PPM1G: variants seen among roughly 807,000 people sequenced by gnomAD.
PPM1G encodes the protein protein phosphatase, Mg2+/Mn2+ dependent 1G.
PPM1G carries 12 observed loss-of-function variants against 59.4 expected under a neutral mutation model. That is an observed-to-expected ratio of 0.20 (90% CI 0.13 to 0.33). PPM1G has a LOEUF of 0.33. Among genes scored for constraint, PPM1G ranks in the 10% least tolerant of loss-of-function variants. The pLI is 1.00. For synonymous variants in PPM1G, 245 were observed against 251.9 expected (o/e 0.97, Z 0.26); for missense variants, 392 against 681.3 (o/e 0.58, Z 4.73).
intron 1 of PPM1G, among the ~76,000 whole-genome samples, chr2:27,392,294 T>TTC (rs1553313466): frequency 2.1e-5 from 3 of 140,682 alleles, no homozygotes; most frequent in Admixed American, 7.1e-5. Flanking sequence ...TTGTTTTTTT[T>TTC]TTTTTTTTTT....
At position 27,381,819 on chromosome 2, in the gene PPM1G, G is replaced by A. The variant is rs1268788651; in HGVS notation, c.1435-14C>T. ...CTGATCCAGCAGCTAAGAAAGGGAT[G>A]GGGGTAGCTCAGCCACAGGGTTTGA... On this transcript the variant is annotated splice_polypyrimidine_tract_variant and intron_variant, in intron 9 of 9. Transcript: ENST00000344034. 2 of 1,611,260 alleles carry A rather than the reference G, an allele frequency of 1.2e-6. No individual in the cohort carries two copies. Among genetic ancestry groups the A allele is most frequent in the Non-Finnish European group, 1.7e-6 (2 of 1,179,180 alleles).
Position 27,381,613 on chromosome 2 carries a change from C to T in PPM1G, c.1627G>A (p.Ala543Thr). 6.2e-7 allele frequency: 1 copy of T among 1,614,072 alleles called. No individual in the cohort carries two copies. The change falls in exon 10 of 10, where the codon GCC (alanine) becomes ACC (threonine). Residue 543 changes from alanine to threonine, a missense_variant. Around this residue, in one of 6 missense-constraint regions of PPM1G, gnomAD observed 49 missense variants for 43.4 expected, o/e 1.13. Coordinates refer to ENST00000344034, the MANE Select transcript of PPM1G (RefSeq NM_177983.3). ...CTGGATGACTGCTAGTCTCGCTTGG[C>T]CTTCTTCTTCTTGTCGCTGTTGCCA... ...ENGNSDKKKK[A>T]KRD
chr2:27,392,662 A>G lies in PPM1G; in HGVS notation c.121-5504T>C, dbSNP rs942611118. The stretch of plus-strand genomic sequence containing the variant: ...TTTATTTGAAGGAATGGTACAAATC[A>G]AAGAACTTAAGTGGGTGTCTTGGAA... On this transcript the variant is annotated intron_variant, in intron 1 of 9. Coordinates refer to ENST00000344034, the MANE Select transcript of PPM1G (RefSeq NM_177983.3). 8 of 663,196 alleles carry G rather than the reference A, an allele frequency of 1.2e-5. No individual in the cohort carries two copies. The African/African-American group carries it at 1.3e-4, about 10-fold the overall frequency. The allele number at this position is 663,196 out of a possible 1,614,324, so 41.1% of individuals were successfully genotyped here.
At position 27,409,481 on chromosome 2, in the gene PPM1G, C is replaced by T; in HGVS notation, c.-59G>A. The T allele has an allele frequency of 1.4e-6, 2 of 1,414,184 alleles. No individual in the cohort carries two copies. The highest frequency in any genetic ancestry group is 3.0e-5 in the South Asian group (2 of 65,662). 87.6% of individuals were successfully genotyped at this position (1,414,184 alleles called of 1,614,324 possible). A position where few individuals can be genotyped will look rare whatever the true frequency, so the allele number is the denominator to read the frequency against. On this transcript the variant is annotated 5_prime_UTR_variant, in exon 1 of 10. Transcript: ENST00000344034. The stretch of plus-strand genomic sequence containing the variant: ...AAGCTGGGCGCGACCCGTGCCGGAG[C>T]CGAAGCCCCGGGGGTGCGCGCGGCA...
chr2:27,403,411 A>C (rs1476014456), intron 1 of PPM1G, among the ~76,000 whole-genome samples: 1 of 151,292 alleles, frequency 6.6e-6, no homozygotes, highest in Non-Finnish European at 1.5e-5. Context: ...GCACCATTGC[A>C]CTCCAGCCTG....
At chr2:27,386,524 A>G (rs1290912498) in intron 2 of PPM1G, 2 of 292,484 alleles carry the variant, frequency 6.8e-6, no homozygotes, top group Non-Finnish European at 1.3e-5. Context: ...TTCTCCAGTG[A>G]AAAAAAGATA....
chr2:27,383,857 A>G lies in PPM1G; in HGVS notation c.966+95T>C, dbSNP rs148136511. ...CCCATGACTATTACTTCCATCCTAA[A>G]GTATCAGGGGGATCCCCTGTCTCAA... is the stretch of plus-strand genomic sequence containing the variant. On this transcript the variant is annotated intron_variant, in intron 6 of 9. Coordinates refer to ENST00000344034, the MANE Select transcript of PPM1G (RefSeq NM_177983.3). The surrounding 1 kb of genome is among the most constrained non-coding windows in gnomAD (Gnocchi z 5.0). The G allele has an allele frequency of 6.9e-4, 1,030 of 1,499,184 alleles. 3 individuals carry two copies. The African/African-American group carries it at 0.013, about 18-fold the overall frequency. The allele number at this position is 1,499,184 out of a possible 1,614,324, so 92.9% of individuals were successfully genotyped here.
At chr2:27,398,787 ACT>A (rs1684112615) in intron 1 of PPM1G, among the ~76,000 whole-genome samples, 1 of 151,142 alleles carries the variant, frequency 6.6e-6, no homozygotes, top group Non-Finnish European at 1.5e-5. Context: ...ATGCCACTGC[ACT>A]CCAGCCTGGC....
chr2:27,391,932 A>G (rs1372646347), intron 1 of PPM1G, among the ~76,000 whole-genome samples: 1 of 151,698 alleles, frequency 6.6e-6, no homozygotes, highest in Non-Finnish European at 1.5e-5. Context: ...GGGTTTCACC[A>G]TGTTGGCCAG....
intron 1 of PPM1G, among the ~76,000 whole-genome samples, chr2:27,403,868 C>T (rs1217001840): frequency 6.7e-6 from 1 of 150,304 alleles, no homozygotes; most frequent in Non-Finnish European, 1.5e-5. Context: ...GACAGAGACT[C>T]TGTCTAAAAA....
chr2:27,385,803 G>A lies in PPM1G; in HGVS notation c.353C>T (p.Ala118Val). The A allele has an allele frequency of 6.2e-7, 1 of 1,614,058 alleles. No homozygotes were observed. Among genetic ancestry groups the A allele is most frequent in the Non-Finnish European group, 8.5e-7 (1 of 1,180,014 alleles). Residue 118 changes from alanine (A) to valine (V), a missense_variant, in exon 4 of 10, where the codon GCA becomes GTA. Around this residue, in one of 6 missense-constraint regions of PPM1G, gnomAD observed 188 missense variants for 248.8 expected, o/e 0.76. Transcript: ENST00000344034. The surrounding 1 kb of genome is among the most constrained non-coding windows in gnomAD (Gnocchi z 4.1). ...ATCTTCATCCTCAGTGGGTCGCCCTGCAATCTGTGCCAGCTCTTTAATGAC... is the reference window on the plus strand; with the variant it reads ...ATCTTCATCCTCAGTGGGTCGCCCTACAATCTGTGCCAGCTCTTTAATGAC... ...EEVIKELAQI[A>V]GRPTEDEDEK...
At chr2:27,393,131 G>C (rs926370014) in intron 1 of PPM1G, 4 of 1,352,564 alleles carry the variant, frequency 3.0e-6, no homozygotes, top group African/African-American at 2.9e-5. Flanking sequence ...GGAAGATTCG[G>C]CCACCTCGTT....
intron 1 of PPM1G, among the ~76,000 whole-genome samples, chr2:27,402,022 A>C (rs985898787): frequency 1.3e-5 from 2 of 152,082 alleles, no homozygotes; most frequent in African/African-American, 4.8e-5. Flanking sequence ...CTGATTAAAA[A>C]GGAACCTGTA....
At chr2:27,407,747 T>C (rs1284578879) in intron 1 of PPM1G, among the ~76,000 whole-genome samples, 1 of 152,112 alleles carries the variant, frequency 6.6e-6, no homozygotes, top group Non-Finnish European at 1.5e-5. Context: ...CTCAATTTCT[T>C]AGCTATAAAA....
At position 27,384,471 on chromosome 2, in the gene PPM1G, G is replaced by A. The variant is rs1409949467; in HGVS notation, c.825+202C>T. Among the ~76,000 whole-genome samples, 2 of 152,190 alleles carry A rather than the reference G, an allele frequency of 1.3e-5. No homozygotes were observed. Among genetic ancestry groups the A allele is most frequent in the Non-Finnish European group, 2.9e-5 (2 of 68,034 alleles). On this transcript the variant is annotated intron_variant, in intron 5 of 9. Transcript: ENST00000344034. This position sits in a 1 kb window ranked among gnomAD's most constrained non-coding sequence, Gnocchi z 4.8. The stretch of plus-strand genomic sequence containing the variant: ...GCCAGAACTAGATCTGCTTGTTATA[G>A]TACCAACAAAGGAAGAGGTAAAAAG...
Position 27,391,714 on chromosome 2 carries a change from A to G in PPM1G, c.121-4556T>C, listed in dbSNP as rs192027491. Among the ~76,000 whole-genome samples, 905 of 150,054 alleles carry G rather than the reference A, an allele frequency of 6.0e-3. 7 individuals carry two copies. The highest frequency in any genetic ancestry group is 9.6e-3 in the Non-Finnish European group (649 of 67,646). On this transcript the variant is annotated intron_variant, in intron 1 of 9. Transcript: ENST00000344034. The stretch of plus-strand genomic sequence containing the variant: ...TCTATACCTCTGACTGCCTGTTTCT[A>G]CAGGATGTTCTTTTTTTCTTTCTTT...
Position 27,382,158 on chromosome 2 carries a change from C to G in PPM1G, c.1402G>C (p.Glu468Gln). 3 of 1,614,202 alleles carry G rather than the reference C, an allele frequency of 1.9e-6. No individual in the cohort carries two copies. Among genetic ancestry groups the G allele is most frequent in the Non-Finnish European group, 2.5e-6 (3 of 1,180,010 alleles). Residue 468 changes from glutamate to glutamine, a missense_variant, in exon 9 of 10, where the codon GAG (glutamate) becomes CAG (glutamine). Physicochemically the swap from Glu to Gln is conservative, Grantham distance 29. This residue lies in a region of PPM1G where 29 missense variants were observed against 38.9 expected (regional missense o/e 0.75). Transcript: ENST00000344034. The surrounding 1 kb of genome is among the most constrained non-coding windows in gnomAD (Gnocchi z 4.2). ...SKISQRDENG[E>Q]LRLLSSIVEE... ...ACAATGGATGACAATAACCGAAGCT[C>G]CCCATTTTCATCACGCTGGCTGATC...
At chr2:27,404,048 T>A (rs1186625243) in intron 1 of PPM1G, among the ~76,000 whole-genome samples, 1 of 152,228 alleles carries the variant, frequency 6.6e-6, no homozygotes, top group Non-Finnish European at 1.5e-5. Context: ...TTTCTTTTTA[T>A]ATTTTTTCCA....
In PPM1G at chr2:27,399,146, AAACAACAAC is replaced by A. The variant is rs142026887; in HGVS notation, c.120+10148_120+10156del. ...TCAGAGCAAGACTGTCCCCCGACCA[AAACAACAAC>A]AACAACAACAACAACAAAAACAAAA... On this transcript the variant is annotated intron_variant, in intron 1 of 9. Transcript: ENST00000344034. Among the ~76,000 whole-genome samples the A allele has an allele frequency of 4.0e-5, 6 of 150,352 alleles. No homozygotes were observed. The South Asian group carries it at 1.3e-3, about 32-fold the overall frequency.
Sources: gnomAD v4.1 joint callset for allele counts (sites outside exome capture counted in the v4.1 genomes callset) on GRCh38, gnomAD v4.1.1 for gene constraint, gnomAD v4.1.1 regional missense constraint, Gnocchi (gnomAD v3.1) non-coding constraint, MANE v1.5 for transcripts, NCBI Gene and HGNC (gene_info 2026-07-23, HGNC 2026-07-21) for gene names.